The following GSR variants were observed in gnomAD, a reference collection of about 807,000 sequenced individuals.
GSR encodes the protein glutathione reductase, mitochondrial.
A neutral mutation model predicts 56.5 loss-of-function variants in GSR; 48 were observed. The ratio of observed to expected loss-of-function variants is 0.85; its 90% CI spans 0.67 to 1.08. The LOEUF (loss-of-function observed/expected upper bound fraction) is 1.08, where lower values mean the gene tolerates loss of function less well. GSR is among the 50% of genes least tolerant of loss of function. GSR has a pLI of 0.00. For missense variants in GSR, 694 were observed against 703.3 expected (o/e 0.99, Z 0.15); for synonymous variants, 264 against 270.8 (o/e 0.97, Z 0.25).
At chr8:30,679,970 G>A (rs919328869) in intron 12 of GSR, among the ~76,000 whole-genome samples, 1 of 152,050 alleles carries the variant, frequency 6.6e-6, no homozygotes, top group East Asian at 1.9e-4. Context: ...CTCCCAAAGT[G>A]CTGGGATTAC....
intron 1 of GSR, among the ~76,000 whole-genome samples, chr8:30,712,509 G>A (rs1032479347): frequency 3.9e-5 from 6 of 152,078 alleles, no homozygotes; most frequent in African/African-American, 1.2e-4. Flanking sequence ...GCGAGACCAC[G>A]TCTCTACAAA....
At chr8:30,708,555 G>A (rs1355184579) in intron 3 of GSR, among the ~76,000 whole-genome samples, 4 of 152,170 alleles carry the variant, frequency 2.6e-5, no homozygotes, top group South Asian at 4.1e-4. Context: ...ACTACCATAC[G>A]ATTCGGCAAT....
At chr8:30,682,910 C>T (rs1803007747) in intron 10 of GSR, among the ~76,000 whole-genome samples, 2 of 151,984 alleles carry the variant, frequency 1.3e-5, no homozygotes, top group South Asian at 4.1e-4. Flanking sequence ...TCGCTGCAAC[C>T]TCTGCCTCCC....
intron 1 of GSR, 28 bp from the exon 2 acceptor site, chr8:30,712,116 T>C: frequency 7.6e-7 from 1 of 1,307,818 alleles, no homozygotes; most frequent in Non-Finnish European, 1.1e-6. Flanking sequence ...AGACACACTT[T>C]AAGAATATTG....
intron 1 of GSR, among the ~76,000 whole-genome samples, chr8:30,712,297 A>AT (rs1383906973): frequency 1.3e-5 from 2 of 152,068 alleles, no homozygotes; most frequent in Non-Finnish European, 2.9e-5. Flanking sequence ...ATTCATCAGC[A>AT]TTTTTCTTGG....
rs1297350753 is a variant in GSR, at chr8:30,696,406, T to G, written c.769A>C (p.Thr257Pro). Residue 257 changes from threonine (T) to proline (P), a missense_variant, in exon 7 of 13, where the codon ACA (threonine) becomes CCA (proline). Thr to Pro is a conservative substitution (Grantham distance 38). Coordinates refer to ENST00000221130, the MANE Select transcript of GSR (RefSeq NM_000637.5). ...TTATCATGCCGTATCATCAGTGATG[T>G]CTTAGAACCCAGGGCTGACAGGATC... Reference protein sequence around the residue: ...AGILSALGSKTSLMIRHDKVL... With the variant: ...AGILSALGSKPSLMIRHDKVL... 6.2e-7 allele frequency: 1 copy of G among 1,609,034 alleles called. No individual in the cohort carries two copies. The highest frequency in any genetic ancestry group is 2.2e-5 in the East Asian group (1 of 44,882).
chr8:30,689,152 C>T lies in GSR; in HGVS notation c.1041+9G>A. 6.2e-7 allele frequency: 1 copy of T among 1,613,588 alleles called. No homozygotes were observed. On this transcript the variant is annotated intron_variant, in intron 9 of 12. Transcript: ENST00000221130. The stretch of plus-strand genomic sequence containing the variant: ...TCACAAATGTTTCGGGCAGACCAAG[C>T]CAGCTTACCAGTTTGTTTAAACTCA...
chr8:30,713,177 T>C (rs1397152949), intron 1 of GSR, among the ~76,000 whole-genome samples: 1 of 152,038 alleles, frequency 6.6e-6, no homozygotes, highest in East Asian at 1.9e-4. Context: ...GTTGGGACTG[T>C]AGGTGTGCAC....
At chr8:30,721,095 C>CA (rs1375126911) in intron 1 of GSR, among the ~76,000 whole-genome samples, 1 of 151,664 alleles carries the variant, frequency 6.6e-6, no homozygotes, top group Non-Finnish European at 1.5e-5. Context: ...GACCCTGCCT[C>CA]AAAAAACAAA....
At chr8:30,684,753 T>C (rs1019162638) in intron 9 of GSR, among the ~76,000 whole-genome samples, 5 of 151,912 alleles carry the variant, frequency 3.3e-5, no homozygotes, top group Non-Finnish European at 7.4e-5. Context: ...TCTATGTTTA[T>C]TTAGTTTTTT....
intron 7 of GSR, among the ~76,000 whole-genome samples, chr8:30,695,809 G>A (rs1346245365): frequency 6.6e-6 from 1 of 152,122 alleles, no homozygotes; most frequent in East Asian, 1.9e-4. Flanking sequence ...GGAGGTCGAG[G>A]TGGGTGGATC....
At chr8:30,687,775 A>G (rs1383807234) in intron 9 of GSR, 1 of 152,234 alleles carries the variant, frequency 6.6e-6, no homozygotes, top group East Asian at 1.9e-4. Context: ...CATCATCATT[A>G]TCAATAGCAG....
chr8:30,712,768 T>C lies in GSR; in HGVS notation c.307-680A>G, dbSNP rs76256806. Reference sequence around the variant, plus strand: ...GCACAAAAATTTAAAGTACATGGCATGGAACTTAGGATATTGATTAACCAT... The same window carrying C: ...GCACAAAAATTTAAAGTACATGGCACGGAACTTAGGATATTGATTAACCAT... On this transcript the variant is annotated intron_variant, in intron 1 of 12. Transcript: ENST00000221130. 2.2e-4 allele frequency among the ~76,000 whole-genome samples: 34 copies of C among 152,320 alleles called. 1 individual carries two copies. In the East Asian group the frequency reaches 6.0e-3, roughly 27 times the overall value.
At position 30,727,518 on chromosome 8, in the gene GSR, G is replaced by C. The variant is rs1316137497; in HGVS notation, c.306+12C>G. 1 of 1,536,266 alleles carries C rather than the reference G, an allele frequency of 6.5e-7. No homozygotes were observed. Among genetic ancestry groups the C allele is most frequent in the Non-Finnish European group, 8.7e-7 (1 of 1,144,246 alleles). On this transcript the variant is annotated intron_variant, in intron 1 of 12. Transcript: ENST00000221130. Reference sequence around the variant, plus strand: ...GAGGCGCCCCCCGCCCGAACAAACCGGCGGTACTCACGCAAGTGCCACCCA... The same window carrying C: ...GAGGCGCCCCCCGCCCGAACAAACCCGCGGTACTCACGCAAGTGCCACCCA...
intron 11 of GSR, 22 bp from the exon 12 acceptor site, chr8:30,681,059 G>T (rs2128736548): frequency 6.3e-7 from 1 of 1,589,940 alleles, no homozygotes; most frequent in Non-Finnish European, 8.6e-7. Context: ...ATTAAAAAAA[G>T]CATCTATCAG....
rs1189905433 is a variant in GSR, at chr8:30,727,813, A to T, written c.23T>A (p.Leu8Gln). The change falls in exon 1 of 13, where the codon CTG becomes CAG. Residue 8 changes from leucine to glutamine, a missense_variant. Transcript: ENST00000221130. ...CCAGCTCGGTCCCGCGCCGGCGCTC[A>T]GGGCTCGGGGCAGCAGGGCCATGCA... is the stretch of plus-strand genomic sequence containing the variant. MALLPRA[L>Q]SAGAGPSWRR... The T allele has an allele frequency of 1.4e-5, 18 of 1,292,590 alleles. No individual in the cohort carries two copies. In the East Asian group the frequency reaches 6.1e-4, roughly 44 times the overall value. 80.1% of individuals were successfully genotyped at this position (1,292,590 alleles called of 1,614,324 possible). A position where few individuals can be genotyped will look rare whatever the true frequency, so the allele number is the denominator to read the frequency against.
intron 5 of GSR, 51 bp from the exon 6 acceptor site, chr8:30,700,186 A>G (rs746258311): frequency 7.9e-7 from 1 of 1,267,174 alleles, no homozygotes; most frequent in Non-Finnish European, 1.2e-6. Flanking sequence ...TTTCTCTTGC[A>G]AAGTAATCAC....
At chr8:30,679,962 C>T (rs545747871) in intron 12 of GSR, among the ~76,000 whole-genome samples, 1 of 152,160 alleles carries the variant, frequency 6.6e-6, no homozygotes, top group Non-Finnish European at 1.5e-5. Flanking sequence ...ACCTCAGCCT[C>T]CCAAAGTGCT....
chr8:30,696,187 A>G (rs530731665), intron 7 of GSR, among the ~76,000 whole-genome samples, 193 bp downstream of exon 7: 6 of 152,180 alleles, frequency 3.9e-5, no homozygotes, highest in Admixed American at 2.6e-4. Context: ...ACCAACTCAA[A>G]ATTATCATCA....
Sources: allele counts gnomAD v4.1 joint callset (sites outside exome capture counted in the v4.1 genomes callset), GRCh38; gene constraint gnomAD v4.1.1; transcripts MANE v1.5; gene names NCBI Gene and HGNC (gene_info 2026-07-23, HGNC 2026-07-21).